Variants in PPP6R3 observed in about 807,000 individuals in gnomAD.
The protein encoded by PPP6R3 is serine/threonine-protein phosphatase 6 regulatory subunit 3.
In PPP6R3, 38 loss-of-function variants were observed where a neutral mutation model predicts 110.7. The ratio of observed to expected loss-of-function variants is 0.34; its 90% CI spans 0.26 to 0.45. The LOEUF (loss-of-function observed/expected upper bound fraction) is 0.45, where lower values mean the gene tolerates loss of function less well. Among genes scored for constraint, PPP6R3 ranks in the 20% least tolerant of loss-of-function variants. The probability of loss-of-function intolerance (pLI) is 1.00; values close to 1 mark genes in which losing one functional copy is unlikely to be tolerated. For missense variants in PPP6R3, 870 were observed against 1,062.4 expected (o/e 0.82, Z 2.52); for synonymous variants, 369 against 373.5 (o/e 0.99, Z 0.14).
intron 20 of PPP6R3, 72 bp downstream of exon 20, chr11:68,600,566 G>T: frequency 6.6e-7 from 1 of 1,520,890 alleles, no homozygotes; most frequent in Non-Finnish European, 8.8e-7. Flanking sequence ...TGCTGTTAAC[G>T]TGTGTTCTTC....
At chr11:68,487,328 G>A (rs900681644) in intron 1 of PPP6R3, among the ~76,000 whole-genome samples, 7 of 150,396 alleles carry the variant, frequency 4.7e-5, no homozygotes, top group South Asian at 2.1e-4. Context: ...TGAGGCGGGC[G>A]GATCCCTTGA....
intron 1 of PPP6R3, among the ~76,000 whole-genome samples, chr11:68,495,946 C>T (rs1308788586): frequency 6.6e-6 from 1 of 152,222 alleles, no homozygotes; most frequent in Non-Finnish European, 1.5e-5. Context: ...TACATTCCCA[C>T]CAGCAATGTG....
At chr11:68,581,039 G>A (rs2099552406) in intron 14 of PPP6R3, among the ~76,000 whole-genome samples, 1 of 152,132 alleles carries the variant, frequency 6.6e-6, no homozygotes, top group Non-Finnish European at 1.5e-5. Flanking sequence ...CCAAAGTGCT[G>A]GGATTGCAGG....
intron 18 of PPP6R3, 63 bp downstream of exon 18, chr11:68,591,769 G>C: frequency 2.0e-6 from 3 of 1,510,456 alleles, no homozygotes. Context: ...ATTATCATGA[G>C]ACATACATTG....
Position 68,614,430 on chromosome 11 carries a change from A to G in PPP6R3, c.*1313A>G. ...ATGCAAATCAGTTTTTCATTTCTGTAATAGAAAATTATTCACGTATTTTTA... is the reference window on the plus strand; with the variant it reads ...ATGCAAATCAGTTTTTCATTTCTGTGATAGAAAATTATTCACGTATTTTTA... On this transcript the variant is annotated 3_prime_UTR_variant, in exon 24 of 24. Transcript: ENST00000393800. 1 of 1,326,684 alleles carries G rather than the reference A, an allele frequency of 7.5e-7. No homozygotes were observed. Among genetic ancestry groups the G allele is most frequent in the Non-Finnish European group, 9.6e-7 (1 of 1,042,134 alleles). 82.2% of individuals were successfully genotyped at this position (1,326,684 alleles called of 1,614,324 possible). A position where few individuals can be genotyped will look rare whatever the true frequency, so the allele number is the denominator to read the frequency against.
chr11:68,599,685 T>A (rs1240010321), intron 19 of PPP6R3, among the ~76,000 whole-genome samples: 5 of 152,246 alleles, frequency 3.3e-5, no homozygotes, highest in Admixed American at 6.5e-5. Flanking sequence ...AGATAGTAAG[T>A]CTCCATATAT....
rs1426189001 is a variant in PPP6R3, at chr11:68,601,924, G to A, written c.2254G>A (p.Asp752Asn). ...VEMETSTEPM[D>N]PLTPSAAALA... ...AATGGAAACCAGCACTGAACCCATG[G>A]ACCCTCTGACTCCCAGTGCGGCTGC... The change falls in exon 21 of 24, where the codon GAC (aspartate) becomes AAC (asparagine). Residue 752 changes from aspartate (D) to asparagine (N), a missense_variant. Coordinates refer to ENST00000393800, the MANE Select transcript of PPP6R3 (RefSeq NM_001164161.2). 3 of 1,613,496 alleles carry A rather than the reference G, an allele frequency of 1.9e-6. No homozygotes were observed. Among genetic ancestry groups the A allele is most frequent in the Admixed American group, 3.3e-5 (2 of 59,902 alleles).
chr11:68,568,809 G>A (rs1339885445), intron 10 of PPP6R3, among the ~76,000 whole-genome samples: 8 of 149,780 alleles, frequency 5.3e-5, no homozygotes, highest in East Asian at 3.9e-4. Flanking sequence ...TGGCTCAGTC[G>A]CCCAGGCTGG....
At chr11:68,503,284 A>T (rs556025257) in intron 1 of PPP6R3, among the ~76,000 whole-genome samples, 429 of 152,314 alleles carry the variant, frequency 2.8e-3, no homozygotes, top group Non-Finnish European at 4.4e-3. Flanking sequence ...GGCTTCGTTT[A>T]TTCAACAGAA....
At position 68,595,276 on chromosome 11, in the gene PPP6R3, C is replaced by T. The variant is rs548148548; in HGVS notation, c.1917-821C>T. On this transcript the variant is annotated intron_variant, in intron 18 of 23. Transcript: ENST00000393800. ...TCTTGTCCAGGCTGGAGTGCAGTGG[C>T]GTGATCTCAGCTCACTGCAGCCTCT... 5.2e-3 allele frequency among the ~76,000 whole-genome samples: 658 copies of T among 127,102 alleles called. 2 individuals carry two copies. The highest frequency in any genetic ancestry group is 0.012 in the Middle Eastern group (2 of 172). The allele number at this position is 127,102 out of a possible 152,430, so 83.4% of individuals were successfully genotyped here.
intron 12 of PPP6R3, among the ~76,000 whole-genome samples, chr11:68,572,941 A>G (rs2099513351): frequency 7.2e-6 from 1 of 138,546 alleles, no homozygotes; most frequent in Non-Finnish European, 1.6e-5. Flanking sequence ...CTTCAAGCAT[A>G]GGATGTTTTT....
intron 18 of PPP6R3, among the ~76,000 whole-genome samples, chr11:68,595,594 G>A (rs7127948): frequency 0.23 from 35,026 of 152,072 alleles, 4,280 homozygotes; most frequent in Middle Eastern, 0.32. Context: ...TTAATAGAAT[G>A]AAACGACAAA....
chr11:68,596,451 G>T (rs1224713439), intron 19 of PPP6R3, among the ~76,000 whole-genome samples: 1 of 152,206 alleles, frequency 6.6e-6, no homozygotes, highest in Non-Finnish European at 1.5e-5. Flanking sequence ...GGAAATGAAC[G>T]TCAGCTGTGT....
intron 8 of PPP6R3, among the ~76,000 whole-genome samples, chr11:68,560,601 G>A (rs1335284510): frequency 1.3e-5 from 2 of 152,166 alleles, no homozygotes; most frequent in Non-Finnish European, 2.9e-5. Context: ...GCCTAGATAG[G>A]CTCAATTGGT....
intron 1 of PPP6R3, among the ~76,000 whole-genome samples, chr11:68,486,315 G>T (rs1261528102): frequency 6.6e-6 from 1 of 151,730 alleles, no homozygotes; most frequent in Admixed American, 6.6e-5. Context: ...AAAGTATTCT[G>T]TCTGCGACTG....
intron 19 of PPP6R3, 126 bp from the exon 20 acceptor site, chr11:68,600,215 C>A (rs757606445): frequency 2.8e-6 from 3 of 1,083,724 alleles, no homozygotes; most frequent in Non-Finnish European, 4.2e-6. Context: ...CGCTCCTGCC[C>A]TCATTGGTGA....
At position 68,511,463 on chromosome 11, in the gene PPP6R3, A is replaced by AGTGTGTGT. The variant is rs111457206; in HGVS notation, c.-157-8013_-157-8006dup. ...CTCTGGAAATGTGTTACTGTGTTAGAGTGTGTGTGTGTGTGTGTGTGTGTG... is the reference window on the plus strand; with the variant it reads ...CTCTGGAAATGTGTTACTGTGTTAGAGTGTGTGTGTGTGTGTGTGTGTGTGTGTGTGTG... On this transcript the variant is annotated intron_variant, in intron 1 of 23. Coordinates refer to ENST00000393800, the MANE Select transcript of PPP6R3 (RefSeq NM_001164161.2). 9.6e-3 allele frequency among the ~76,000 whole-genome samples: 1,331 copies of AGTGTGTGT among 138,590 alleles called. 23 individuals are homozygous for AGTGTGTGT. The highest frequency in any genetic ancestry group is 0.034 in the African/African-American group (1,237 of 36,878). The allele number at this position is 138,590 out of a possible 152,430, so 90.9% of individuals were successfully genotyped here.
intron 1 of PPP6R3, among the ~76,000 whole-genome samples, chr11:68,467,012 A>T (rs1164799621): frequency 2.6e-5 from 4 of 152,212 alleles, no homozygotes; most frequent in Non-Finnish European, 5.9e-5. Context: ...AAGTGCTGGG[A>T]TTACAGGCGT....
chr11:68,468,925 T>C (rs2098768926), intron 1 of PPP6R3, among the ~76,000 whole-genome samples: 1 of 152,238 alleles, frequency 6.6e-6, no homozygotes, highest in African/African-American at 2.4e-5. Context: ...TCACATTTTA[T>C]ATAGAATCAT....
Sources: gnomAD v4.1 joint callset for allele counts (sites outside exome capture counted in the v4.1 genomes callset) on GRCh38, gnomAD v4.1.1 for gene constraint, MANE v1.5 for transcripts, NCBI Gene and HGNC (gene_info 2026-07-23, HGNC 2026-07-21) for gene names.